The following PLEKHA6 variants were observed in gnomAD, a reference collection of about 807,000 sequenced individuals.
PLEKHA6 encodes pleckstrin homology domain-containing family A member 6.
Under a neutral mutation model 116.7 loss-of-function variants are expected in PLEKHA6, and 60 were observed. The ratio of observed to expected loss-of-function variants is 0.51; its 90% confidence interval spans 0.42 to 0.64. The LOEUF (loss-of-function observed/expected upper bound fraction) is 0.64, where lower values mean the gene tolerates loss of function less well. Among genes scored for constraint, PLEKHA6 ranks in the 30% least tolerant of loss-of-function variants. The pLI is 0.00. For missense variants in PLEKHA6, 1,338 were observed against 1,422.7 expected, an observed-to-expected ratio of 0.94 and a Z score of 0.96; for synonymous variants, 489 against 556.1, an observed-to-expected ratio of 0.88 and a Z score of 1.70.
rs1664417442 is a variant in PLEKHA6 at position 204,250,599 on chromosome 1, C to T, written c.1540G>A (p.Glu514Lys). Residue 514 changes from glutamate to lysine, a missense_variant, in exon 10 of 23, where the codon GAA (glutamate) becomes AAA (lysine). Physicochemically the swap from Glu to Lys is moderately conservative, Grantham distance 56. Around this residue, in one of 3 missense-constraint regions of PLEKHA6, gnomAD observed 1,136 missense variants for 1,163.6 expected, o/e 0.98. Transcript: ENST00000272203. ...ISSPKVPPYPEVFRDSLHTYK... is the reference protein window; with the variant it reads ...ISSPKVPPYPKVFRDSLHTYK... Reference sequence around the variant, plus strand: ...GTGTGGAGGCTGTCCCGGAACACTTCTGGGTATGGAGGGACCTGCAGGAAC... The same window carrying T: ...GTGTGGAGGCTGTCCCGGAACACTTTTGGGTATGGAGGGACCTGCAGGAAC... The T allele has an allele frequency of 6.2e-7, 1 of 1,612,720 alleles. No individual in the cohort carries two copies. The highest frequency in any genetic ancestry group is 8.5e-7 in the Non-Finnish European group (1 of 1,179,428).
intron 9 of PLEKHA6, 30 bp from the exon 10 acceptor site, chr1:204,250,644 C>T: frequency 2.6e-6 from 4 of 1,520,712 alleles, no homozygotes; most frequent in Non-Finnish European, 3.7e-6. Flanking sequence ...GTTACTGCAG[C>T]AGGGGCAGGA....
rs1401366065 is a variant in PLEKHA6, at chr1:204,316,626, T to C, written c.-94-41817A>G. 2.0e-5 allele frequency among the ~76,000 whole-genome samples: 3 copies of C among 152,146 alleles called. 1 individual carries two copies. The highest frequency in any genetic ancestry group is 2.0e-4 in the Admixed American group (3 of 15,276). On this transcript the variant is annotated intron_variant, in intron 1 of 22. Transcript: ENST00000272203. The stretch of plus-strand genomic sequence containing the variant: ...GAGAGATGGAGGTCCTTCTAAAAGG[T>C]CACAGTTTCCCTCGGTTTCCCATCT...
chr1:204,241,404 T>C lies in PLEKHA6; in HGVS notation c.2380A>G (p.Ser794Gly), dbSNP rs1446147644. 1 of 1,611,854 alleles carries C rather than the reference T, an allele frequency of 6.2e-7. No homozygotes were observed. The highest frequency in any genetic ancestry group is 1.7e-5 in the Admixed American group (1 of 59,820). ...TPSAVVRRNA[S>G]GLTNGLSSQE... is the part of the protein sequence containing the mutation. ...GAGGAGAGTCCATTGGTGAGCCCACTGGCATTCCTTCTTACCACTGCTGAT... is the reference window on the plus strand; with the variant it reads ...GAGGAGAGTCCATTGGTGAGCCCACCGGCATTCCTTCTTACCACTGCTGAT... The change falls in exon 17 of 23, where the codon AGT becomes GGT. Residue 794 changes from serine (S) to glycine (G), a missense_variant. Physicochemically the swap from Ser to Gly is moderately conservative, Grantham distance 56 (BLOSUM62 0). Around this residue, in one of 3 missense-constraint regions of PLEKHA6, gnomAD observed 1,136 missense variants for 1,163.6 expected, o/e 0.98. Transcript: ENST00000272203.
chr1:204,360,081 C>T (rs6670727), upstream of PLEKHA6, among the ~76,000 whole-genome samples: 2,326 of 152,378 alleles, frequency 0.015, 67 homozygotes, highest in African/African-American at 0.053. Context: ...ACCATCCACG[C>T]AGCCTGCCTG....
intron 17 of PLEKHA6, among the ~76,000 whole-genome samples, chr1:204,234,634 G>A (rs1661682601): frequency 2.0e-5 from 3 of 152,004 alleles, no homozygotes. Flanking sequence ...ATTGATCCTG[G>A]GTGTGTCTGT....
intron 1 of PLEKHA6, among the ~76,000 whole-genome samples, chr1:204,354,253 A>C (rs1673359449): frequency 6.6e-6 from 1 of 152,138 alleles, no homozygotes; most frequent in African/African-American, 2.4e-5. Flanking sequence ...CATAGCTGAA[A>C]CCAGGGTGGA....
chr1:204,373,922 A>G lies in PLEKHA6; in HGVS notation c.84-2316T>C, dbSNP rs544305167. On this transcript the variant is annotated intron_variant, in intron 1 of 4. Transcript: ENST00000564627. ...TGGCTTTGGTCCTGGGAGGCAGTGG[A>G]AGAGGAAGCCAATAAAAAGGAAGGG... Among the ~76,000 whole-genome samples the G allele has an allele frequency of 5.9e-5, 9 of 152,238 alleles. 1 individual carries two copies. In the East Asian group the frequency reaches 1.7e-3, roughly 29 times the overall value.
intron 17 of PLEKHA6, among the ~76,000 whole-genome samples, chr1:204,230,873 G>A (rs1050796548): frequency 1.3e-5 from 2 of 152,186 alleles, no homozygotes; most frequent in Non-Finnish European, 1.5e-5. Flanking sequence ...GAAGAGGGAG[G>A]CAGAGATCGG....
chr1:204,302,745 G>A (rs962719850), intron 1 of PLEKHA6, among the ~76,000 whole-genome samples: 5 of 152,146 alleles, frequency 3.3e-5, no homozygotes, highest in Non-Finnish European at 5.9e-5. Flanking sequence ...GCGTGGTGGC[G>A]CATGCCTGTA....
At chr1:204,225,818 T>C (rs532901410) in intron 21 of PLEKHA6, among the ~76,000 whole-genome samples, 1 of 152,332 alleles carries the variant, frequency 6.6e-6, no homozygotes, top group East Asian at 1.9e-4. Context: ...TCACACTGCA[T>C]ACTTGAATAC....
upstream of PLEKHA6, among the ~76,000 whole-genome samples, chr1:204,364,058 A>C (rs1429480425): frequency 6.6e-6 from 1 of 152,076 alleles, no homozygotes; most frequent in Non-Finnish European, 1.5e-5. Flanking sequence ...CAATTAACAC[A>C]TTTGTCTGCT....
At chr1:204,288,474 A>T (rs376240783) in intron 1 of PLEKHA6, among the ~76,000 whole-genome samples, 1 of 152,218 alleles carries the variant, frequency 6.6e-6, no homozygotes, top group Admixed American at 6.5e-5. Context: ...ACGATGCCCA[A>T]TTGGATGAGC....
intron 1 of PLEKHA6, among the ~76,000 whole-genome samples, chr1:204,296,313 C>T (rs962718498): frequency 6.6e-6 from 1 of 151,980 alleles, no homozygotes; most frequent in African/African-American, 2.4e-5. Flanking sequence ...TCCTCTCACA[C>T]AGTGCTTTGC....
intron 1 of PLEKHA6, among the ~76,000 whole-genome samples, chr1:204,297,619 G>A (rs566666262): frequency 8.6e-5 from 13 of 151,940 alleles, no homozygotes; most frequent in Non-Finnish European, 1.8e-4. Context: ...GCAACAGGGG[G>A]GGTGGGTAAC....
At chr1:204,280,924 C>T (rs1668527043) in intron 1 of PLEKHA6, 1 of 655,310 alleles carries the variant, frequency 1.5e-6, no homozygotes, top group East Asian at 1.4e-4. Flanking sequence ...TCATCAGAGG[C>T]CCTCTGTTTT....
At chr1:204,314,307 C>A (rs1378886025) in intron 1 of PLEKHA6, among the ~76,000 whole-genome samples, 2 of 152,192 alleles carry the variant, frequency 1.3e-5, no homozygotes, top group African/African-American at 2.4e-5. Flanking sequence ...GTTCCTGTTT[C>A]ACCCTTCAAA....
chr1:204,303,132 T>C (rs964590335), intron 1 of PLEKHA6, among the ~76,000 whole-genome samples: 8 of 152,226 alleles, frequency 5.3e-5, no homozygotes, highest in African/African-American at 1.9e-4. Flanking sequence ...TTAAGGGCTA[T>C]GCTGCTGGAC....
intron 10 of PLEKHA6, among the ~76,000 whole-genome samples, chr1:204,250,318 T>G (rs1403172237): frequency 6.6e-6 from 1 of 150,948 alleles, no homozygotes; most frequent in Non-Finnish European, 1.5e-5. Context: ...GAGGGAAGGG[T>G]GAGTGGGTGG....
intron 1 of PLEKHA6, among the ~76,000 whole-genome samples, chr1:204,325,335 A>T (rs985180837): frequency 6.6e-6 from 1 of 152,206 alleles, no homozygotes. Context: ...GAGGGCTGCC[A>T]GGGGGAGAAT....
Sources: allele counts gnomAD v4.1 joint callset (sites outside exome capture counted in the v4.1 genomes callset), GRCh38; gene constraint gnomAD v4.1.1; regional missense constraint gnomAD v4.1.1; transcripts MANE v1.5; gene names NCBI Gene and HGNC (gene_info 2026-07-23, HGNC 2026-07-21).